ETV6: variants seen among roughly 807,000 people sequenced by gnomAD.
ETV6 encodes ETS variant transcription factor 6, also known as transcription factor ETV6.
A neutral mutation model predicts 51.1 loss-of-function variants in ETV6; 16 were observed. That is an observed-to-expected ratio of 0.31 (90% CI 0.21 to 0.48). The LOEUF is 0.48. Among genes scored for constraint, ETV6 ranks in the 20% least tolerant of loss-of-function variants. The probability of loss-of-function intolerance (pLI) is 0.99; values close to 1 mark genes in which losing one functional copy is unlikely to be tolerated. For missense variants in ETV6, 458 were observed against 594.8 expected (o/e 0.77, Z 2.39); for synonymous variants, 240 against 224.1 (o/e 1.07, Z -0.64).
rs578203230 is a variant in ETV6 at position 11,863,529 on chromosome 12, A to G, written c.464-5895A>G. 3.3e-5 allele frequency among the ~76,000 whole-genome samples: 5 copies of G among 152,138 alleles called. No individual in the cohort carries two copies. The South Asian group carries it at 6.2e-4, about 19-fold the overall frequency. On this transcript the variant is annotated intron_variant, in intron 4 of 7. Coordinates refer to ENST00000396373, the MANE Select transcript of ETV6 (RefSeq NM_001987.5). Reference sequence around the variant, plus strand: ...CTGGCTTTCCCTCCCTCTTCCTTGTATATTTCCCTTCCATATCAAGACCTT... The same window carrying G: ...CTGGCTTTCCCTCCCTCTTCCTTGTGTATTTCCCTTCCATATCAAGACCTT...
intron 1 of ETV6, among the ~76,000 whole-genome samples, 181 bp downstream of exon 1, chr12:11,650,341 T>TAC (rs1322785027): frequency 4.7e-5 from 3 of 63,444 alleles, no homozygotes; most frequent in African/African-American, 1.0e-4. Context: ...GTAACCTTGC[T>TAC]ACTCCCCCCC....
chr12:11,734,448 A>T (rs1254502838), intron 1 of ETV6, among the ~76,000 whole-genome samples: 1 of 151,800 alleles, frequency 6.6e-6, no homozygotes, highest in African/African-American at 2.4e-5. Context: ...CTCTACAAAA[A>T]ATATAAAAAT....
At chr12:11,870,623 C>G (rs983670378) in intron 5 of ETV6, among the ~76,000 whole-genome samples, 1 of 152,228 alleles carries the variant, frequency 6.6e-6, no homozygotes, top group Non-Finnish European at 1.5e-5. Context: ...ACTCATTCTT[C>G]AGAAGCTTAA....
chr12:11,869,974 G>C lies in ETV6; in HGVS notation c.1009+5G>C. ...TGCCCATTGGGAGAATAGCAGGTGA[G>C]TGAGTTCCCCTCTCGCCGCTCCAGC... On this transcript the variant is annotated splice_donor_5th_base_variant and intron_variant, in intron 5 of 7. Transcript: ENST00000396373. This position sits in a 1 kb window ranked among gnomAD's most constrained non-coding sequence, Gnocchi z 5.0. The C allele has an allele frequency of 6.3e-7, 1 of 1,596,016 alleles. No homozygotes were observed. The highest frequency in any genetic ancestry group is 8.5e-7 in the Non-Finnish European group (1 of 1,175,558).
chr12:11,710,407 G>A (rs1184088204), intron 1 of ETV6, among the ~76,000 whole-genome samples: 3 of 152,120 alleles, frequency 2.0e-5, no homozygotes, highest in Non-Finnish European at 2.9e-5. Flanking sequence ...CCATGTACTA[G>A]ATACTGATTT....
intron 2 of ETV6, among the ~76,000 whole-genome samples, chr12:11,837,826 T>C (rs1359042136): frequency 6.6e-6 from 1 of 152,232 alleles, no homozygotes; most frequent in African/African-American, 2.4e-5. Flanking sequence ...CCAGCAGTTC[T>C]TAAATTTGGT....
chr12:11,665,630 G>A (rs1277423134), intron 1 of ETV6, among the ~76,000 whole-genome samples: 1 of 152,182 alleles, frequency 6.6e-6, no homozygotes, highest in Non-Finnish European at 1.5e-5. Flanking sequence ...CTTCTGTTAC[G>A]GACTTAATTG....
intron 1 of ETV6, among the ~76,000 whole-genome samples, chr12:11,656,079 G>A (rs12830471): frequency 0.034 from 5,208 of 151,706 alleles, 116 homozygotes; most frequent in Admixed American, 0.062. Context: ...CATCATCACC[G>A]GCATCATTTA....
At chr12:11,820,194 G>A (rs899310932) in intron 2 of ETV6, among the ~76,000 whole-genome samples, 2 of 152,208 alleles carry the variant, frequency 1.3e-5, no homozygotes, top group African/African-American at 4.8e-5. Context: ...GGAAGTGGGA[G>A]AACCAAGATT....
chr12:11,671,049 GCTTT>G (rs1002606358), intron 1 of ETV6, among the ~76,000 whole-genome samples: 8 of 152,058 alleles, frequency 5.3e-5, no homozygotes, highest in African/African-American at 1.7e-4. Flanking sequence ...GGTTCCTGGG[GCTTT>G]CTTTTTCCCT....
chr12:11,674,625 G>C (rs1332139751), intron 1 of ETV6, among the ~76,000 whole-genome samples: 4 of 71,888 alleles, frequency 5.6e-5, no homozygotes, highest in Non-Finnish European at 1.4e-4. Context: ...TTGTGTGTGT[G>C]TGTGTGTGTG....
chr12:11,681,877 T>A (rs1458010849), intron 1 of ETV6, among the ~76,000 whole-genome samples: 1 of 152,216 alleles, frequency 6.6e-6, no homozygotes, highest in Admixed American at 6.5e-5. Flanking sequence ...GCTTCAACCA[T>A]GTTCCTGCAA....
At chr12:11,693,252 GGCC>G (rs1864802512) in intron 1 of ETV6, among the ~76,000 whole-genome samples, 2 of 152,242 alleles carry the variant, frequency 1.3e-5, no homozygotes, top group South Asian at 4.1e-4. Flanking sequence ...TTGCCACGCA[GGCC>G]GTGGCAAGTG....
At chr12:11,714,465 T>C (rs1429152132) in intron 1 of ETV6, among the ~76,000 whole-genome samples, 1 of 152,118 alleles carries the variant, frequency 6.6e-6, no homozygotes, top group Non-Finnish European at 1.5e-5. Flanking sequence ...TTCTAGCATG[T>C]ATTTGATTAG....
chr12:11,710,389 A>G (rs994280608), intron 1 of ETV6, among the ~76,000 whole-genome samples: 4 of 152,038 alleles, frequency 2.6e-5, no homozygotes, highest in Non-Finnish European at 4.4e-5. Flanking sequence ...TGTATTTATT[A>G]TGTGTCACCA....
At position 11,744,155 on chromosome 12, in the gene ETV6, T is replaced by C. The variant is rs571211508; in HGVS notation, c.34-8295T>C. Among the ~76,000 whole-genome samples the C allele has an allele frequency of 6.6e-5, 10 of 152,124 alleles. No individual in the cohort carries two copies. The South Asian group carries it at 2.1e-3, about 32-fold the overall frequency. ...GTACATGCCTGGAAGGTATCTCTCATTTGGGGGGAGATTGAGAAGCGCTGT... is the reference window on the plus strand; with the variant it reads ...GTACATGCCTGGAAGGTATCTCTCACTTGGGGGGAGATTGAGAAGCGCTGT... On this transcript the variant is annotated intron_variant, in intron 1 of 7. Coordinates refer to ENST00000396373, the MANE Select transcript of ETV6 (RefSeq NM_001987.5).
At chr12:11,820,584 G>C (rs1946062695) in intron 2 of ETV6, among the ~76,000 whole-genome samples, 1 of 152,174 alleles carries the variant, frequency 6.6e-6, no homozygotes, top group Non-Finnish European at 1.5e-5. Flanking sequence ...TGAAGGAACA[G>C]CAAGTCCAAA....
intron 2 of ETV6, among the ~76,000 whole-genome samples, chr12:11,757,807 A>G (rs1945028992): frequency 6.6e-6 from 1 of 152,196 alleles, no homozygotes; most frequent in African/African-American, 2.4e-5. Context: ...CTGATCATGA[A>G]GTTGTGCTGA....
At chr12:11,781,768 G>C (rs1457939586) in intron 2 of ETV6, among the ~76,000 whole-genome samples, 1 of 152,074 alleles carries the variant, frequency 6.6e-6, no homozygotes, top group East Asian at 1.9e-4. Flanking sequence ...GTTGGCTGAG[G>C]TAATGCCTAT....
Sources: allele counts gnomAD v4.1 joint callset (sites outside exome capture counted in the v4.1 genomes callset), GRCh38; gene constraint gnomAD v4.1.1; non-coding constraint Gnocchi (gnomAD v3.1); transcripts MANE v1.5; gene names NCBI Gene and HGNC (gene_info 2026-07-23, HGNC 2026-07-21).